Variants in PHIP observed in about 807,000 individuals in gnomAD.
PHIP encodes PH-interacting protein.
PHIP carries 54 observed loss-of-function variants against 236.8 expected under a neutral mutation model. The ratio of observed to expected loss-of-function variants is 0.23; its 90% confidence interval spans 0.18 to 0.29. The LOEUF (loss-of-function observed/expected upper bound fraction) is 0.29. Among genes scored for constraint, PHIP ranks in the 10% least tolerant of loss-of-function variants. PHIP has a pLI of 1.00. For missense variants in PHIP, 1,370 were observed against 2,190.8 expected, an observed-to-expected ratio of 0.63 and a Z score of 7.48; for synonymous variants, 756 against 718.9, an observed-to-expected ratio of 1.05 and a Z score of -0.83.
At chr6:79,052,970 C>T (rs1435244260) in intron 6 of PHIP, among the ~76,000 whole-genome samples, 6 of 152,104 alleles carry the variant, frequency 3.9e-5, no homozygotes, top group Non-Finnish European at 8.8e-5. Context: ...CACACAAAAA[C>T]AGAGATATAA....
In PHIP at chr6:79,050,584, TTC is replaced by T. The variant is rs1384632211; in HGVS notation, c.440-7583_440-7582del. 2.6e-5 allele frequency among the ~76,000 whole-genome samples: 4 copies of T among 152,304 alleles called. No homozygotes were observed. The East Asian group carries it at 7.7e-4, about 29-fold the overall frequency. On this transcript the variant is annotated intron_variant, in intron 6 of 39. Transcript: ENST00000275034. ...GTGAGACTGATTAATTTTTGAGCTG[TTC>T]TGTTTTCCAAACTTTCTCTATAGAG... is the stretch of plus-strand genomic sequence containing the variant.
intron 15 of PHIP, 123 bp from the exon 16 acceptor site, chr6:79,003,981 A>T: frequency 1.8e-6 from 1 of 559,888 alleles, no homozygotes; most frequent in Non-Finnish European, 3.0e-6. Flanking sequence ...AAGTAAAACA[A>T]GCATTGTACA....
At chr6:78,946,340 A>C in intron 37 of PHIP, 80 bp from the exon 38 acceptor site, 1 of 1,451,328 alleles carries the variant, frequency 6.9e-7, no homozygotes, top group African/African-American at 1.4e-5. Flanking sequence ...TTTTGGATTC[A>C]ATATTTGTAC....
rs1236123645 is a variant in PHIP, at chr6:79,003,766, T to TAA, written c.1615_1616dup (p.Leu539PhefsTer2). ...TGCTACTGGACCCAAAGCCAAAAAT[T>TAA]AAAAGATGTCCATGAGAGTCTGTGC... On this transcript the variant is annotated frameshift_variant, in exon 16 of 40. Coordinates refer to ENST00000275034, the MANE Select transcript of PHIP (RefSeq NM_017934.7). LOFTEE classifies it high-confidence loss of function. The TAA allele has an allele frequency of 6.2e-7, 1 of 1,609,056 alleles. No individual in the cohort carries two copies. The highest frequency in any genetic ancestry group is 8.5e-7 in the Non-Finnish European group (1 of 1,177,608).
At chr6:79,006,724 C>G (rs372446390) in intron 15 of PHIP, among the ~76,000 whole-genome samples, 1 of 151,806 alleles carries the variant, frequency 6.6e-6, no homozygotes, top group East Asian at 1.9e-4. Flanking sequence ...TAGAGTGAAA[C>G]TAATAAGTAA....
At chr6:79,005,304 A>C (rs1582208839) in intron 15 of PHIP, among the ~76,000 whole-genome samples, 1 of 152,162 alleles carries the variant, frequency 6.6e-6, no homozygotes, top group Non-Finnish European at 1.5e-5. Context: ...TTCAAAAACA[A>C]GAAAGAATAT....
At chr6:79,025,267 G>A (rs1384782009) in intron 9 of PHIP, among the ~76,000 whole-genome samples, 1 of 151,218 alleles carries the variant, frequency 6.6e-6, no homozygotes, top group African/African-American at 2.4e-5. Context: ...TAATAAAACA[G>A]GTAAATGCTG....
At chr6:79,061,863 T>C (rs1773399177) in intron 4 of PHIP, among the ~76,000 whole-genome samples, 1 of 152,164 alleles carries the variant, frequency 6.6e-6, no homozygotes, top group Admixed American at 6.5e-5. Context: ...AGGATTTAAA[T>C]CATCTCATTC....
chr6:79,065,441 C>T (rs934235212), intron 4 of PHIP, among the ~76,000 whole-genome samples: 1 of 152,106 alleles, frequency 6.6e-6, no homozygotes, highest in East Asian at 1.9e-4. Context: ...AAACACATGG[C>T]CTTCTTTCAG....
intron 27 of PHIP, among the ~76,000 whole-genome samples, chr6:78,967,427 T>C (rs997157277): frequency 3.3e-5 from 5 of 152,200 alleles, no homozygotes; most frequent in Non-Finnish European, 5.9e-5. Flanking sequence ...CTGAGTAATG[T>C]GTGCCTAATC....
intron 7 of PHIP, among the ~76,000 whole-genome samples, chr6:79,029,633 G>A (rs3929867): frequency 0.26 from 39,822 of 151,906 alleles, 5,557 homozygotes; most frequent in Non-Finnish European, 0.3. Context: ...AGGTTCAAGT[G>A]GTTCTCATGC....
At chr6:79,031,335 G>GA (rs1160125187) in intron 7 of PHIP, among the ~76,000 whole-genome samples, 1 of 152,162 alleles carries the variant, frequency 6.6e-6, no homozygotes, top group African/African-American at 2.4e-5. Flanking sequence ...GCATAAGCTG[G>GA]AAAAATCTCA....
chr6:79,077,328 T>A, intron 4 of PHIP, 120 bp downstream of exon 4: 10 of 908,922 alleles, frequency 1.1e-5, no homozygotes, highest in Non-Finnish European at 1.8e-5. Context: ...ACCCTCCCCA[T>A]GGCCTTTGGA....
chr6:79,067,104 C>G (rs1773662279), intron 4 of PHIP, among the ~76,000 whole-genome samples: 1 of 152,162 alleles, frequency 6.6e-6, no homozygotes, highest in Non-Finnish European at 1.5e-5. Flanking sequence ...CCAGGCTAGT[C>G]TGGAACTCCT....
At chr6:78,997,858 A>T (rs1769726300) in intron 18 of PHIP, among the ~76,000 whole-genome samples, 1 of 152,190 alleles carries the variant, frequency 6.6e-6, no homozygotes, top group African/African-American at 2.4e-5. Flanking sequence ...TACTTTAAAA[A>T]AATGCTAAGT....
In PHIP at chr6:78,977,271, C is replaced by T. The variant is rs201938610; in HGVS notation, c.2889+1321G>A. On this transcript the variant is annotated intron_variant, in intron 24 of 39. Transcript: ENST00000275034. ...AACCATCATTCTCAGTAAACTATTGCAAGAACAAAAAACCAAACACCGCAT... is the reference window on the plus strand; with the variant it reads ...AACCATCATTCTCAGTAAACTATTGTAAGAACAAAAAACCAAACACCGCAT... Among the ~76,000 whole-genome samples, 37 of 150,278 alleles carry T rather than the reference C, an allele frequency of 2.5e-4. No homozygotes were observed. The East Asian group carries it at 6.7e-3, about 27-fold the overall frequency.
intron 7 of PHIP, among the ~76,000 whole-genome samples, chr6:79,040,128 G>C (rs894384749): frequency 6.6e-6 from 1 of 152,084 alleles, no homozygotes; most frequent in Non-Finnish European, 1.5e-5. Context: ...ATTTTGTTCA[G>C]TACTAATTAT....
In PHIP at chr6:79,060,792, A is replaced by G. The variant is rs140397043; in HGVS notation, c.216T>C (p.Pro72=). 1.6e-4 allele frequency: 257 copies of G among 1,611,670 alleles called. No individual in the cohort carries two copies. The highest frequency in any genetic ancestry group is 2.1e-4 in the Non-Finnish European group (247 of 1,177,922). Reference sequence around the variant, plus strand: ...GATGACATATTTGCAGCAAGTGATCAGGTGCTAAGTGTCTGTAATACTTCA... The same window carrying G: ...GATGACATATTTGCAGCAAGTGATCGGGTGCTAAGTGTCTGTAATACTTCA... ...NLVKYYRHLA[P]DHLLQICHRL... The change falls in exon 5 of 40, where the codon CCT becomes CCC. Residue 72 remains proline (P), a synonymous_variant. Transcript: ENST00000275034.
intron 15 of PHIP, 84 bp downstream of exon 15, chr6:79,014,998 G>T: frequency 2.7e-6 from 3 of 1,091,968 alleles, no homozygotes; most frequent in Non-Finnish European, 2.7e-6. Flanking sequence ...TTTTTAAATG[G>T]ATTTCCTTTG....
Sources: gnomAD v4.1 joint callset for allele counts (sites outside exome capture counted in the v4.1 genomes callset) on GRCh38, gnomAD v4.1.1 for gene constraint, MANE v1.5 for transcripts, NCBI Gene and HGNC (gene_info 2026-07-23, HGNC 2026-07-21) for gene names.